KIF5C: variants seen among roughly 807,000 people sequenced by gnomAD.
KIF5C encodes the protein kinesin family member 5C.
A neutral mutation model predicts 125.2 loss-of-function variants in KIF5C; 18 were observed. That is an observed-to-expected ratio of 0.14 (90% CI 0.10 to 0.21). KIF5C has a LOEUF of 0.21. Ranked by LOEUF, KIF5C falls within the 10% of genes least tolerant of loss-of-function variation. The pLI is 1.00. For missense variants in KIF5C, 780 were observed against 1,183.8 expected (o/e 0.66, Z 5.01); for synonymous variants, 405 against 434.0 (o/e 0.93, Z 0.83).
intron 4 of KIF5C, 95 bp downstream of exon 4, chr2:148,937,483 A>G: frequency 6.9e-7 from 1 of 1,445,014 alleles, no homozygotes; most frequent in South Asian, 1.5e-5. Context: ...AGATGATCCT[A>G]CTAATTTAAA....
At chr2:149,021,699 T>C (rs1157920323) in intron 25 of KIF5C, among the ~76,000 whole-genome samples, 1 of 149,264 alleles carries the variant, frequency 6.7e-6, no homozygotes, top group African/African-American at 2.5e-5. Context: ...ATGCATAATG[T>C]GTCAGGTTAC....
At chr2:148,999,437 G>A (rs544375478) in intron 19 of KIF5C, among the ~76,000 whole-genome samples, 15 of 152,164 alleles carry the variant, frequency 9.9e-5, no homozygotes, top group Non-Finnish European at 1.9e-4. Context: ...TGTGTGAGCC[G>A]CTCGAAAGGT....
chr2:149,010,393 T>C (rs1682153805), intron 24 of KIF5C, 42 bp downstream of exon 24: 1 of 1,498,326 alleles, frequency 6.7e-7, no homozygotes, highest in Non-Finnish European at 8.9e-7. Context: ...GAGAAGCTAC[T>C]GCGGCCTCTC....
At chr2:148,895,860 ACACACACACACACACC>A (rs1444303631) in intron 1 of KIF5C, among the ~76,000 whole-genome samples, 7 of 32,460 alleles carry the variant, frequency 2.2e-4, no homozygotes, top group South Asian at 7.6e-4. Context: ...ACACACACAC[ACACACACACACACACC>A]CACAGAGATC....
intron 1 of KIF5C, among the ~76,000 whole-genome samples, chr2:148,891,707 G>GT (rs1440041418): frequency 6.6e-6 from 1 of 151,774 alleles, no homozygotes; most frequent in Non-Finnish European, 1.5e-5. Context: ...TTTATTTTTT[G>GT]TTTTTTTGAG....
At chr2:148,998,808 G>C (rs1237699915) in intron 19 of KIF5C, 30 of 271,848 alleles carry the variant, frequency 1.1e-4, no homozygotes, top group Non-Finnish European at 5.4e-5. Flanking sequence ...GTAGATGGGG[G>C]GGAGCATCTG....
chr2:148,922,250 C>T, intron 2 of KIF5C, 23 bp downstream of exon 2: 4 of 1,486,308 alleles, frequency 2.7e-6, no homozygotes, highest in Non-Finnish European at 3.7e-6. Flanking sequence ...TCTTTATTTC[C>T]TCCTGGGCCA....
intron 3 of KIF5C, among the ~76,000 whole-genome samples, chr2:148,936,223 C>T (rs1574766844): frequency 6.6e-6 from 1 of 152,184 alleles, no homozygotes; most frequent in Non-Finnish European, 1.5e-5. Context: ...GTGGAGGTTG[C>T]AGTCAGCTAA....
intron 14 of KIF5C, among the ~76,000 whole-genome samples, 166 bp from the exon 15 acceptor site, chr2:148,983,452 TTC>T (rs1196007908): frequency 6.6e-6 from 1 of 152,250 alleles, no homozygotes; most frequent in Non-Finnish European, 1.5e-5. Context: ...AGAGTTCCCC[TTC>T]TTATCCAAGA....
intron 12 of KIF5C, among the ~76,000 whole-genome samples, chr2:148,976,537 G>A (rs1474918439): frequency 6.6e-6 from 1 of 151,892 alleles, no homozygotes; most frequent in African/African-American, 2.4e-5. Flanking sequence ...CAAAGTGCTG[G>A]GATTTCAGGC....
intron 1 of KIF5C, among the ~76,000 whole-genome samples, chr2:148,909,608 G>A (rs1163275957): frequency 1.3e-5 from 2 of 152,212 alleles, no homozygotes; most frequent in African/African-American, 2.4e-5. Flanking sequence ...CTGTAAGAAA[G>A]ATGTTTAGTT....
At chr2:148,980,849 G>T (rs764028445) in intron 13 of KIF5C, among the ~76,000 whole-genome samples, 2 of 151,952 alleles carry the variant, frequency 1.3e-5, no homozygotes, top group Non-Finnish European at 2.9e-5. Flanking sequence ...GGGATTATAG[G>T]TGTGCACCAC....
At chr2:148,997,061 C>T (rs887978202) in intron 17 of KIF5C, among the ~76,000 whole-genome samples, 14 of 152,220 alleles carry the variant, frequency 9.2e-5, no homozygotes, top group Admixed American at 7.8e-4. Flanking sequence ...CGCGCTCCCC[C>T]GTGGAAGGAA....
intron 10 of KIF5C, among the ~76,000 whole-genome samples, chr2:148,951,462 C>T (rs926328893): frequency 2.0e-5 from 3 of 152,102 alleles, no homozygotes; most frequent in African/African-American, 7.2e-5. Context: ...TTTACCTACC[C>T]CCTCCCACTG....
chr2:148,965,020 G>A (rs943104649), intron 11 of KIF5C, among the ~76,000 whole-genome samples: 2 of 152,088 alleles, frequency 1.3e-5, no homozygotes, highest in African/African-American at 2.4e-5. Context: ...AATTAGCCGG[G>A]TGTGGTGAGG....
intron 1 of KIF5C, chr2:148,885,460 C>T (rs1338189710): frequency 6.6e-6 from 1 of 152,192 alleles, no homozygotes; most frequent in East Asian, 1.9e-4. Context: ...GTCTTCAGAA[C>T]CCTGTCTTAT....
intron 10 of KIF5C, among the ~76,000 whole-genome samples, chr2:148,952,561 A>C (rs1322031191): frequency 2.0e-5 from 3 of 152,200 alleles, no homozygotes; most frequent in Non-Finnish European, 1.5e-5. Flanking sequence ...CACAGCCAGT[A>C]AGTGACTAAA....
chr2:148,988,595 G>C (rs1351795998), intron 15 of KIF5C, among the ~76,000 whole-genome samples: 1 of 152,182 alleles, frequency 6.6e-6, no homozygotes, highest in Non-Finnish European at 1.5e-5. Context: ...ATGTGGAAGA[G>C]ATGGGTTTTA....
chr2:148,908,035 G>A (rs1681185907), intron 1 of KIF5C, among the ~76,000 whole-genome samples: 1 of 152,212 alleles, frequency 6.6e-6, no homozygotes, highest in South Asian at 2.1e-4. Context: ...CACTATTTAT[G>A]TGAAAAGTTT....
Sources: allele counts gnomAD v4.1 joint callset (sites outside exome capture counted in the v4.1 genomes callset), GRCh38; gene constraint gnomAD v4.1.1; transcripts MANE v1.5; gene names NCBI Gene and HGNC (gene_info 2026-07-23, HGNC 2026-07-21).